Variants in CDIPT observed in about 807,000 individuals in gnomAD.
CDIPT encodes the protein CDP-diacylglycerol--inositol 3-phosphatidyltransferase, also known as PI synthase.
Under a neutral mutation model 21.6 loss-of-function variants are expected in CDIPT, and 17 were observed. The observed-to-expected ratio is 0.79, with a 90% confidence interval of 0.54 to 1.18. CDIPT has a LOEUF of 1.18. CDIPT is among the 50% of genes most tolerant of loss of function. The pLI, the probability that CDIPT is intolerant of heterozygous loss-of-function variation, is 0.00. For synonymous variants in CDIPT, 119 were observed against 117.9 expected, an observed-to-expected ratio of 1.01 and a Z score of -0.06; for missense variants, 254 against 284.9, an observed-to-expected ratio of 0.89 and a Z score of 0.78.
chr16:29,862,974 C>T lies in CDIPT; in HGVS notation c.-117G>A. On this transcript the variant is annotated 5_prime_UTR_variant, in exon 1 of 6. Coordinates refer to ENST00000219789, the MANE Select transcript of CDIPT (RefSeq NM_006319.5). This position sits in a 1 kb window ranked among gnomAD's most constrained non-coding sequence, Gnocchi z 6.7. ...TCGGCCGCACCACCTGCGCCCTGGA[C>T]CCCGCCGCCCCAACCTGGCCCCAGA... 8.5e-7 allele frequency: 1 copy of T among 1,171,296 alleles called. No homozygotes were observed. The highest frequency in any genetic ancestry group is 1.2e-5 in the South Asian group (1 of 80,084). The allele number at this position is 1,171,296 out of a possible 1,614,324, so 72.6% of individuals were successfully genotyped here. A position where few individuals can be genotyped will look rare whatever the true frequency, so the allele number is the denominator to read the frequency against.
chr16:29,862,617 G>A lies in CDIPT; in HGVS notation c.147C>T (p.Phe49=), dbSNP rs1567403174. The stretch of plus-strand genomic sequence containing the variant: ...TAAGAGCGCGAGCAGCGTGTCCATC[G>A]AAAGCGTCCAGCAGGCCGCTGAGCA... ...FYLLSGLLDA[F]DGHAARALNQ... Residue 49 remains phenylalanine (F), a synonymous_variant, in exon 2 of 6, where the codon TTC becomes TTT. Coordinates refer to ENST00000219789, the MANE Select transcript of CDIPT (RefSeq NM_006319.5). This position sits in a 1 kb window ranked among gnomAD's most constrained non-coding sequence, Gnocchi z 6.7. The A allele has an allele frequency of 1.3e-6, 2 of 1,598,980 alleles. No homozygotes were observed. Among genetic ancestry groups the A allele is most frequent in the Non-Finnish European group, 1.7e-6 (2 of 1,172,740 alleles).
chr16:29,860,545 A>C, intron 4 of CDIPT, 36 bp downstream of exon 4: 7 of 1,395,228 alleles, frequency 5.0e-6, no homozygotes, highest in Non-Finnish European at 7.1e-6. Context: ...CCCACAGCCA[A>C]GAGCCTGAGG....
Position 29,859,349 on chromosome 16 carries a change from C to A in CDIPT, c.497-15G>T, listed in dbSNP as rs747459210. On this transcript the variant is annotated splice_polypyrimidine_tract_variant and intron_variant, in intron 5 of 5. Transcript: ENST00000219789. This position sits in a 1 kb window ranked among gnomAD's most constrained non-coding sequence, Gnocchi z 4.5. Reference sequence around the variant, plus strand: ...CACAGAGCCAACTGCAGGAAGGCAGCAGGGGAGTTTGGGGCCCGAAGGAGG... The same window carrying A: ...CACAGAGCCAACTGCAGGAAGGCAGAAGGGGAGTTTGGGGCCCGAAGGAGG... 12 of 1,568,040 alleles carry A rather than the reference C, an allele frequency of 7.7e-6. No individual in the cohort carries two copies. The highest frequency in any genetic ancestry group is 1.0e-5 in the Non-Finnish European group (12 of 1,156,004).
chr16:29,862,744 A>G lies in CDIPT; in HGVS notation c.44-24T>C. On this transcript the variant is annotated intron_variant, in intron 1 of 5. Coordinates refer to ENST00000219789, the MANE Select transcript of CDIPT (RefSeq NM_006319.5). This position sits in a 1 kb window ranked among gnomAD's most constrained non-coding sequence, Gnocchi z 6.7. The stretch of plus-strand genomic sequence containing the variant: ...ACCTTGGAACGGGACGCGGGGAGAC[A>G]GGGCAGGATCAGGGAGCCCGCCAAG... 1 of 1,613,700 alleles carries G rather than the reference A, an allele frequency of 6.2e-7. No individual in the cohort carries two copies. Among genetic ancestry groups the G allele is most frequent in the Non-Finnish European group, 8.5e-7 (1 of 1,179,734 alleles).
At chr16:29,861,738 G>T (rs1197249910) in intron 2 of CDIPT, 25 of 433,870 alleles carry the variant, frequency 5.8e-5, no homozygotes, top group East Asian at 1.2e-4. Context: ...TTTGTTTTTT[G>T]TTTTTTTTTT....
chr16:29,862,758 G>A lies in CDIPT; in HGVS notation c.44-38C>T. On this transcript the variant is annotated intron_variant, in intron 1 of 5. Transcript: ENST00000219789. The surrounding 1 kb of genome is among the most constrained non-coding windows in gnomAD (Gnocchi z 6.7). The stretch of plus-strand genomic sequence containing the variant: ...CGCGGGGAGACAGGGCAGGATCAGG[G>A]AGCCCGCCAAGGCCCCTCGCCCTCT... 3.1e-6 allele frequency: 5 copies of A among 1,613,736 alleles called. No homozygotes were observed. The highest frequency in any genetic ancestry group is 1.1e-5 in the South Asian group (1 of 91,050).
rs2067654662 is a variant in CDIPT, at chr16:29,858,876, C to A, written c.*313G>T. The A allele has an allele frequency of 3.0e-6, 1 of 328,134 alleles. No individual in the cohort carries two copies. The highest frequency in any genetic ancestry group is 5.7e-6 in the Non-Finnish European group (1 of 175,972). The allele number at this position is 328,134 out of a possible 1,614,324, so 20.3% of individuals were successfully genotyped here. ...AGGAAACCTGGCCCTCACACCACCT[C>A]CCTCACTCAAGCGTCCCTAGCATCT... is the stretch of plus-strand genomic sequence containing the variant. On this transcript the variant is annotated 3_prime_UTR_variant, in exon 6 of 6. Transcript: ENST00000219789.
In CDIPT at chr16:29,862,464, T is replaced by C. The variant is rs918523678; in HGVS notation, c.178+122A>G. On this transcript the variant is annotated intron_variant, in intron 2 of 5. Transcript: ENST00000219789. This position sits in a 1 kb window ranked among gnomAD's most constrained non-coding sequence, Gnocchi z 6.7. ...ACACAAAACAAAAAGCCCCAGGCCA[T>C]CCTGTTCTGCTTTTTCCAGAGATGG... 2.9e-6 allele frequency: 3 copies of C among 1,039,496 alleles called. No homozygotes were observed. The highest frequency in any genetic ancestry group is 3.2e-5 in the African/African-American group (2 of 61,916). 64.4% of individuals were successfully genotyped at this position (1,039,496 alleles called of 1,614,324 possible).
chr16:29,859,518 A>G lies in CDIPT; in HGVS notation c.420T>C (p.Ala140=), dbSNP rs1394476901. ...CATTCCCAGCACACAAGGTGAACAG[A>G]GCAGGCTGCACACACAGCAAACAGG... ...VLRIYYTSRP[A]LFTLCAGNEL... is the part of the protein sequence containing the mutation. The change falls in exon 5 of 6, where the codon GCT becomes GCC. Residue 140 remains alanine (A), a synonymous_variant. Transcript: ENST00000219789. The surrounding 1 kb of genome is among the most constrained non-coding windows in gnomAD (Gnocchi z 4.5). The G allele has an allele frequency of 1.2e-6, 2 of 1,612,286 alleles. No individual in the cohort carries two copies. The highest frequency in any genetic ancestry group is 1.3e-5 in the African/African-American group (1 of 74,900).
In CDIPT at chr16:29,859,279, C is replaced by T. The variant is rs865796989; in HGVS notation, c.552G>A (p.Leu184=). 13 of 1,580,554 alleles carry T rather than the reference C, an allele frequency of 8.2e-6. No individual in the cohort carries two copies. The highest frequency in any genetic ancestry group is 1.1e-5 in the Non-Finnish European group (13 of 1,163,414). ...GGATGACGCTGATGAGCGACTTCAG[C>T]AAGGCGATGGGGGCAGTGACCCAGA... ...MGLWVTAPIA[L]LKSLISVIHL... is the part of the protein sequence containing the mutation. The change falls in exon 6 of 6, where the codon TTG becomes TTA. Residue 184 remains leucine (L), a synonymous_variant. Coordinates refer to ENST00000219789, the MANE Select transcript of CDIPT (RefSeq NM_006319.5). The surrounding 1 kb of genome is among the most constrained non-coding windows in gnomAD (Gnocchi z 4.5).
At position 29,862,427 on chromosome 16, in the gene CDIPT, C is replaced by CA. The variant is rs972638169; in HGVS notation, c.178+158dup. ...ACAGAGCGAGACCCTGTCTCAAAAA[C>CA]AAAAAAACAAAACACAAAACAAAAA... is the stretch of plus-strand genomic sequence containing the variant. On this transcript the variant is annotated intron_variant, in intron 2 of 5. Transcript: ENST00000219789. The surrounding 1 kb of genome is among the most constrained non-coding windows in gnomAD (Gnocchi z 6.7). Among the ~76,000 whole-genome samples, 1 of 151,984 alleles carries CA rather than the reference C, an allele frequency of 6.6e-6. No homozygotes were observed. Among genetic ancestry groups the CA allele is most frequent in the African/African-American group, 2.4e-5 (1 of 41,408 alleles).
At position 29,858,368 on chromosome 16, in the gene CDIPT, C is replaced by T. The variant is rs1036796995; in HGVS notation, c.*821G>A. 6.6e-6 allele frequency: 1 copy of T among 151,720 alleles called. No individual in the cohort carries two copies. Among genetic ancestry groups the T allele is most frequent in the Non-Finnish European group, 1.5e-5 (1 of 67,980 alleles). 9.4% of individuals were successfully genotyped at this position (151,720 alleles called of 1,614,324 possible). A position where few individuals can be genotyped will look rare whatever the true frequency, so the allele number is the denominator to read the frequency against. On this transcript the variant is annotated 3_prime_UTR_variant, in exon 6 of 6. Transcript: ENST00000219789. Reference sequence around the variant, plus strand: ...TCTGAGAAACCAACTCATTGACAGACGAGTATTTATTAAGCAGCTACTATA... The same window carrying T: ...TCTGAGAAACCAACTCATTGACAGATGAGTATTTATTAAGCAGCTACTATA...
At position 29,860,676 on chromosome 16, in the gene CDIPT, C is replaced by T; in HGVS notation, c.333-14G>A. ...CGGACCACAGAACTTGGGGAGAAAA[C>T]AGGGGAACCCACAAGGTTTCATGAC... On this transcript the variant is annotated splice_polypyrimidine_tract_variant and intron_variant, in intron 3 of 5. Transcript: ENST00000219789. The T allele has an allele frequency of 6.5e-7, 1 of 1,534,846 alleles. No individual in the cohort carries two copies. Among genetic ancestry groups the T allele is most frequent in the Non-Finnish European group, 9.0e-7 (1 of 1,109,838 alleles).
In CDIPT at chr16:29,862,819, G is replaced by A. The variant is rs200973148; in HGVS notation, c.39C>T (p.Leu13=). The part of the protein sequence containing the change: ...DENIFLFVPN[L]IGYARIVFAI... ...GGGGCCGTGGGCAGCACTCACCGAT[G>A]AGGTTGGGCACGAACAGGAAGATAT... The change falls in exon 1 of 6, where the codon CTC becomes CTT. Residue 13 remains leucine, a synonymous_variant. Transcript: ENST00000219789. This position sits in a 1 kb window ranked among gnomAD's most constrained non-coding sequence, Gnocchi z 6.7. 29 of 1,613,966 alleles carry A rather than the reference G, an allele frequency of 1.8e-5. 2 individuals are homozygous for A. In the Middle Eastern group the frequency reaches 3.0e-3, roughly 165 times the overall value.
intron 2 of CDIPT, among the ~76,000 whole-genome samples, chr16:29,861,930 A>G (rs559378164): frequency 2.0e-5 from 3 of 152,072 alleles, no homozygotes; most frequent in Non-Finnish European, 4.4e-5. Context: ...ACAGGGTTTC[A>G]CCATGTTGGC....
At position 29,862,888 on chromosome 16, in the gene CDIPT, C is replaced by T; in HGVS notation, c.-31G>A. The T allele has an allele frequency of 6.2e-7, 1 of 1,612,312 alleles. No homozygotes were observed. Among genetic ancestry groups the T allele is most frequent in the Non-Finnish European group, 8.5e-7 (1 of 1,179,314 alleles). On this transcript the variant is annotated 5_prime_UTR_variant, in exon 1 of 6. Transcript: ENST00000219789. The surrounding 1 kb of genome is among the most constrained non-coding windows in gnomAD (Gnocchi z 6.7). ...CGCCTCCCTTGCTGCCCCGGGCCTG[C>T]TCTGGAGATGCCAGTGCTGTCCCAG... is the stretch of plus-strand genomic sequence containing the variant.
chr16:29,862,358 G>C lies in CDIPT; in HGVS notation c.178+228C>G, dbSNP rs1159622573. On this transcript the variant is annotated intron_variant, in intron 2 of 5. Coordinates refer to ENST00000219789, the MANE Select transcript of CDIPT (RefSeq NM_006319.5). This position sits in a 1 kb window ranked among gnomAD's most constrained non-coding sequence, Gnocchi z 6.7. ...GATTACTTGAGCCCAGAAGATGGGG[G>C]CTGCAGTGAGCCATGATCGCGCCAC... Among the ~76,000 whole-genome samples, 2 of 152,154 alleles carry C rather than the reference G, an allele frequency of 1.3e-5. No homozygotes were observed. The highest frequency in any genetic ancestry group is 2.9e-5 in the Non-Finnish European group (2 of 68,004).
In CDIPT at chr16:29,858,508, G is replaced by A. The variant is rs2067649888; in HGVS notation, c.*681C>T. 3 of 152,518 alleles carry A rather than the reference G, an allele frequency of 2.0e-5. No individual in the cohort carries two copies. Among genetic ancestry groups the A allele is most frequent in the Admixed American group, 1.3e-4 (2 of 15,304 alleles). The allele number at this position is 152,518 out of a possible 1,614,324, so 9.4% of individuals were successfully genotyped here. On this transcript the variant is annotated 3_prime_UTR_variant, in exon 6 of 6. Coordinates refer to ENST00000219789, the MANE Select transcript of CDIPT (RefSeq NM_006319.5). ...GAAAATATCAAGAATATAAATACAT[G>A]TAGACAGTCAGTGACATCAAACAAG...
chr16:29,860,896 CAGAAGAGTCCTA>C, intron 3 of CDIPT, 198 bp downstream of exon 3: 1 of 621,890 alleles, frequency 1.6e-6, no homozygotes, highest in East Asian at 2.7e-5. Context: ...AATACCCAGC[CAGAAGAGTCCTA>C]AGAATTGCTT....
Sources: gnomAD v4.1 joint callset for allele counts (sites outside exome capture counted in the v4.1 genomes callset) on GRCh38, gnomAD v4.1.1 for gene constraint, Gnocchi (gnomAD v3.1) non-coding constraint, MANE v1.5 for transcripts, NCBI Gene and HGNC (gene_info 2026-07-23, HGNC 2026-07-21) for gene names.